Variants in ZMAT4 observed in about 807,000 individuals in gnomAD.
The protein encoded by ZMAT4 is zinc finger matrin-type 4, also known as zinc finger matrin-type protein 4.
ZMAT4 carries 17 observed loss-of-function variants against 28.7 expected under a neutral mutation model. That is an observed-to-expected ratio of 0.59 (90% CI 0.41 to 0.89). The LOEUF is 0.89. Among genes scored for constraint, ZMAT4 ranks in the 40% least tolerant of loss-of-function variants. The pLI is 0.00. For synonymous variants in ZMAT4, 117 were observed against 109.2 expected (o/e 1.07, Z -0.44); for missense variants, 240 against 283.8 (o/e 0.85, Z 1.11).
chr8:40,765,661 G>A (rs1340614577), intron 3 of ZMAT4, among the ~76,000 whole-genome samples: 18 of 152,264 alleles, frequency 1.2e-4, no homozygotes, highest in Middle Eastern at 3.4e-3. Flanking sequence ...CTGTCCTTGC[G>A]GTTATTGGCA....
chr8:40,630,775 G>A (rs1013457466), intron 5 of ZMAT4, among the ~76,000 whole-genome samples: 2 of 152,160 alleles, frequency 1.3e-5, no homozygotes, highest in Admixed American at 1.3e-4. Context: ...AGTTTCTAAA[G>A]TGTATTGCGT....
chr8:40,760,728 C>CTG (rs1162676612), intron 3 of ZMAT4, among the ~76,000 whole-genome samples: 2 of 151,420 alleles, frequency 1.3e-5, no homozygotes, highest in African/African-American at 2.4e-5. Flanking sequence ...CTCTCTCTCT[C>CTG]TCTCTCTGTC....
At chr8:40,867,263 T>C (rs1012054909) in intron 1 of ZMAT4, among the ~76,000 whole-genome samples, 4 of 152,128 alleles carry the variant, frequency 2.6e-5, no homozygotes, top group African/African-American at 9.7e-5. Context: ...AAAAGAAATA[T>C]ATATATATCA....
chr8:40,563,941 G>T (rs1166915108), intron 6 of ZMAT4, among the ~76,000 whole-genome samples: 1 of 152,050 alleles, frequency 6.6e-6, no homozygotes, highest in Non-Finnish European at 1.5e-5. Context: ...TCCTACAGGG[G>T]AAACCAATGA....
At chr8:40,778,882 A>C (rs770506999) in intron 2 of ZMAT4, among the ~76,000 whole-genome samples, 15 of 152,222 alleles carry the variant, frequency 9.9e-5, no homozygotes, top group Non-Finnish European at 1.6e-4. Flanking sequence ...CAGGTGGTTG[A>C]GTAGAGGATT....
At chr8:40,669,762 T>C (rs1014236529) in intron 5 of ZMAT4, among the ~76,000 whole-genome samples, 3 of 152,290 alleles carry the variant, frequency 2.0e-5, no homozygotes, top group Admixed American at 2.0e-4. Context: ...TCAAAAGTTA[T>C]TTGCAGATTT....
intron 5 of ZMAT4, among the ~76,000 whole-genome samples, chr8:40,660,214 ATCTCTTTCGGTAAGTAACATT>A (rs1460369808): frequency 6.6e-6 from 1 of 152,218 alleles, no homozygotes; most frequent in African/African-American, 2.4e-5. Flanking sequence ...TAAATAAAAG[ATCTCTTTCGGTAAGTAACATT>A]TCTATTGGCA....
intron 3 of ZMAT4, among the ~76,000 whole-genome samples, chr8:40,711,574 T>C (rs1000014750): frequency 6.6e-6 from 1 of 152,218 alleles, no homozygotes; most frequent in Non-Finnish European, 1.5e-5. Flanking sequence ...ACCTATACTT[T>C]AGAAAACTCT....
At chr8:40,859,881 A>T (rs982594809) in intron 1 of ZMAT4, among the ~76,000 whole-genome samples, 2 of 152,186 alleles carry the variant, frequency 1.3e-5, no homozygotes, top group Admixed American at 1.3e-4. Flanking sequence ...CACCTCCTGG[A>T]TCTACTTTCC....
At chr8:40,736,115 A>C (rs1002174690) in intron 3 of ZMAT4, among the ~76,000 whole-genome samples, 1 of 152,222 alleles carries the variant, frequency 6.6e-6, no homozygotes, top group East Asian at 1.9e-4. Context: ...ACAGCCCATC[A>C]GTGGGGATCA....
rs77026387 is a variant in ZMAT4, at chr8:40,568,548, A to G, written c.674+12617T>C. ...GGGCATTTTCATAATTTTGGGATAG[A>G]AGTATTGAGGGTTACACCTCAACAT... is the stretch of plus-strand genomic sequence containing the variant. On this transcript the variant is annotated intron_variant, in intron 6 of 6. Transcript: ENST00000297737. 3.6e-4 allele frequency among the ~76,000 whole-genome samples: 55 copies of G among 152,272 alleles called. No homozygotes were observed. In the East Asian group the frequency reaches 0.01, roughly 29 times the overall value.
At chr8:40,585,346 T>C (rs1187546654) in intron 5 of ZMAT4, among the ~76,000 whole-genome samples, 1 of 152,120 alleles carries the variant, frequency 6.6e-6, no homozygotes, top group African/African-American at 2.4e-5. Flanking sequence ...TCTCAAGCAG[T>C]GACTCCCAAA....
intron 1 of ZMAT4, among the ~76,000 whole-genome samples, chr8:40,870,668 G>C (rs1368685390): frequency 2.0e-5 from 3 of 152,128 alleles, no homozygotes; most frequent in Non-Finnish European, 4.4e-5. Context: ...TAGAGCCCAA[G>C]AATATTTCTG....
chr8:40,857,518 A>G (rs563358214), intron 1 of ZMAT4, among the ~76,000 whole-genome samples: 304 of 152,346 alleles, frequency 2.0e-3, no homozygotes, highest in Non-Finnish European at 3.7e-3. Context: ...AAAGGCTGAC[A>G]ATACATAGTG....
At chr8:40,725,148 G>A (rs542207800) in intron 3 of ZMAT4, among the ~76,000 whole-genome samples, 1 of 152,158 alleles carries the variant, frequency 6.6e-6, no homozygotes, top group Non-Finnish European at 1.5e-5. Context: ...CATTAGAGTT[G>A]TGCTTCCTGA....
chr8:40,705,522 T>TG (rs1290160673), intron 3 of ZMAT4, among the ~76,000 whole-genome samples: 1 of 152,192 alleles, frequency 6.6e-6, no homozygotes, highest in Non-Finnish European at 1.5e-5. Context: ...CAGTACAAGC[T>TG]GTAAATGAGG....
At chr8:40,634,229 T>A (rs143298056) in intron 5 of ZMAT4, among the ~76,000 whole-genome samples, 1 of 152,292 alleles carries the variant, frequency 6.6e-6, no homozygotes, top group African/African-American at 2.4e-5. Flanking sequence ...TGTTTAAACA[T>A]CAGACACAAC....
chr8:40,856,403 T>C (rs1431946758), intron 1 of ZMAT4, among the ~76,000 whole-genome samples: 1 of 152,166 alleles, frequency 6.6e-6, no homozygotes, highest in Non-Finnish European at 1.5e-5. Context: ...GAGGACAGCA[T>C]GGGCAAAGAT....
intron 3 of ZMAT4, among the ~76,000 whole-genome samples, chr8:40,720,672 T>C (rs1811046616): frequency 1.3e-5 from 2 of 151,762 alleles, no homozygotes; most frequent in Admixed American, 1.3e-4. Context: ...AGATTACAGG[T>C]ACCCACACCA....
Sources: gnomAD v4.1 joint callset for allele counts (sites outside exome capture counted in the v4.1 genomes callset) on GRCh38, gnomAD v4.1.1 for gene constraint, MANE v1.5 for transcripts, NCBI Gene and HGNC (gene_info 2026-07-23, HGNC 2026-07-21) for gene names.